The following TNRC6C variants were observed in gnomAD, a reference collection of about 807,000 sequenced individuals.
TNRC6C encodes trinucleotide repeat containing adaptor 6C.
In TNRC6C, 20 loss-of-function variants were observed where a neutral mutation model predicts 153.7. That is an observed-to-expected ratio of 0.13 (90% confidence interval 0.09 to 0.19). The LOEUF is 0.19. Among genes scored for constraint, TNRC6C ranks in the 10% least tolerant of loss-of-function variants. The pLI, the probability that TNRC6C is intolerant of heterozygous loss-of-function variation, is 1.00. For synonymous variants in TNRC6C, 811 were observed against 841.4 expected (o/e 0.96, Z 0.63); for missense variants, 1,987 against 2,172.0 (o/e 0.91, Z 1.69).
chr17:77,994,733 C>T (rs2143099245), intron 1 of TNRC6C, among the ~76,000 whole-genome samples: 1 of 151,996 alleles, frequency 6.6e-6, no homozygotes, highest in East Asian at 1.9e-4. Flanking sequence ...CACAGAAATA[C>T]CATGAAGTTT....
chr17:78,098,912 A>G (rs2073538151), intron 17 of TNRC6C, among the ~76,000 whole-genome samples: 1 of 152,142 alleles, frequency 6.6e-6, no homozygotes, highest in Non-Finnish European at 1.5e-5. Context: ...CCCTTCGCAC[A>G]GGGATCTGGA....
At chr17:77,976,944 A>AC (rs1054375622) in intron 1 of TNRC6C, among the ~76,000 whole-genome samples, 14 of 150,464 alleles carry the variant, frequency 9.3e-5, no homozygotes, top group African/African-American at 3.2e-4. Flanking sequence ...AAAAAAAAAA[A>AC]AAAAAAAAAA....
upstream of TNRC6C, among the ~76,000 whole-genome samples, chr17:78,000,335 G>C (rs1416738257): frequency 6.6e-6 from 1 of 152,150 alleles, no homozygotes; most frequent in East Asian, 1.9e-4. Flanking sequence ...GCTCAAGGCT[G>C]AGACTATTTT....
intron 2 of TNRC6C, among the ~76,000 whole-genome samples, chr17:78,040,679 C>G (rs941606791): frequency 2.0e-5 from 3 of 152,148 alleles, no homozygotes; most frequent in Admixed American, 2.0e-4. Context: ...GGCTGACTTT[C>G]AAAAACACAG....
At chr17:77,972,623 A>T (rs1242893460) in intron 1 of TNRC6C, among the ~76,000 whole-genome samples, 2 of 152,226 alleles carry the variant, frequency 1.3e-5, no homozygotes, top group African/African-American at 4.8e-5. Flanking sequence ...ATGAAAGTAC[A>T]AATTCCTAGG....
intron 3 of TNRC6C, among the ~76,000 whole-genome samples, chr17:78,052,248 C>T (rs1352587600): frequency 2.0e-5 from 3 of 152,002 alleles, no homozygotes; most frequent in East Asian, 3.9e-4. Context: ...AGCAGCAGCA[C>T]GAGTAGAGAG....
Position 78,049,206 on chromosome 17 carries a change from G to A in TNRC6C, c.144G>A (p.Ala48=), listed in dbSNP as rs764681744. ...GGGGAGCGAACAGTAATGGAAGTGC[G>A]GCCAGAGTGTGGGGTGTAGCCACAG... Residue 48 remains alanine, a synonymous_variant, in exon 3 of 20, where the codon GCG becomes GCA. Transcript: ENST00000301624. This position sits in a 1 kb window ranked among gnomAD's most constrained non-coding sequence, Gnocchi z 4.1. 2.7e-5 allele frequency: 43 copies of A among 1,613,018 alleles called. No individual in the cohort carries two copies. The highest frequency in any genetic ancestry group is 1.2e-4 in the South Asian group (11 of 90,858).
rs377307256 is a variant in TNRC6C, at chr17:78,031,523, A to T, written c.-538A>T. Reference sequence around the variant, plus strand: ...GCCTTTCATTCATTTTAGTGCCAGAACCTACTAAGACCTGTTCAAGCCAGC... The same window carrying T: ...GCCTTTCATTCATTTTAGTGCCAGATCCTACTAAGACCTGTTCAAGCCAGC... On this transcript the variant is annotated 5_prime_UTR_variant, in exon 2 of 20. Coordinates refer to ENST00000301624, the Ensembl canonical transcript of TNRC6C. 12 of 1,231,928 alleles carry T rather than the reference A, an allele frequency of 9.7e-6. No individual in the cohort carries two copies. The Admixed American group carries it at 1.3e-4, about 13-fold the overall frequency. 76.3% of individuals were successfully genotyped at this position (1,231,928 alleles called of 1,614,324 possible). A position where few individuals can be genotyped will look rare whatever the true frequency, so the allele number is the denominator to read the frequency against.
At chr17:77,993,510 A>G (rs778854779) in intron 1 of TNRC6C, among the ~76,000 whole-genome samples, 1 of 152,238 alleles carries the variant, frequency 6.6e-6, no homozygotes, top group African/African-American at 2.4e-5. Flanking sequence ...GTTAGTATAC[A>G]AAGTATGGGA....
chr17:78,082,899 G>A (rs1352129345), intron 10 of TNRC6C, 148 bp from the exon 13 acceptor site: 27 of 942,024 alleles, frequency 2.9e-5, no homozygotes, highest in Non-Finnish European at 4.0e-5. Flanking sequence ...ATAATCAGGA[G>A]CATTTCATCT....
intron 1 of TNRC6C, among the ~76,000 whole-genome samples, chr17:78,026,165 A>G (rs2071938272): frequency 6.6e-6 from 1 of 152,214 alleles, no homozygotes; most frequent in South Asian, 2.1e-4. Flanking sequence ...TATGTTTGAG[A>G]AAAACAATCA....
chr17:78,048,991 G>A (rs2072463562), exon 3 of TNRC6C: 1 of 1,411,648 alleles, frequency 7.1e-7, no homozygotes, highest in Admixed American at 3.2e-5. Context: ...CACAGGAACA[G>A]AGACTGAATC....
At chr17:77,960,873 C>T (rs907743650) in intron 1 of TNRC6C, among the ~76,000 whole-genome samples, 4 of 152,126 alleles carry the variant, frequency 2.6e-5, no homozygotes, top group Non-Finnish European at 5.9e-5. Flanking sequence ...ATGATGTGAA[C>T]AGTTGTAACT....
At chr17:78,102,399 C>A in intron 17 of TNRC6C, 75 bp from the exon 21 acceptor site, 1 of 1,371,810 alleles carries the variant, frequency 7.3e-7, no homozygotes, top group Non-Finnish European at 1.0e-6. Flanking sequence ...CACTTCAGCA[C>A]AATAAGAAGT....
At chr17:78,108,693 T>A (rs2073756389) in exon 20 of TNRC6C, 1 of 154,474 alleles carries the variant, frequency 6.5e-6, no homozygotes, top group East Asian at 1.9e-4. Context: ...AAAGACCTCG[T>A]GGGCCTGGGT....
intron 3 of TNRC6C, among the ~76,000 whole-genome samples, chr17:78,062,634 G>A (rs544916875): frequency 4.6e-5 from 7 of 152,280 alleles, no homozygotes; most frequent in South Asian, 2.1e-4. Context: ...TATGGCAGAA[G>A]CAAAAGATTA....
At chr17:77,975,380 T>G (rs533734435) in intron 1 of TNRC6C, among the ~76,000 whole-genome samples, 4 of 151,764 alleles carry the variant, frequency 2.6e-5, no homozygotes, top group African/African-American at 9.7e-5. Context: ...TCCACTGAGG[T>G]TGAGTGTTGA....
At chr17:77,987,737 G>A (rs199893355) in intron 1 of TNRC6C, among the ~76,000 whole-genome samples, 7 of 151,962 alleles carry the variant, frequency 4.6e-5, no homozygotes, top group Non-Finnish European at 1.0e-4. Flanking sequence ...GCAGTGGCGC[G>A]AGCACCATCT....
At chr17:78,039,370 C>T (rs2072248550) in intron 2 of TNRC6C, among the ~76,000 whole-genome samples, 1 of 150,860 alleles carries the variant, frequency 6.6e-6, no homozygotes, top group Non-Finnish European at 1.5e-5. Flanking sequence ...CTTGGTGTCA[C>T]CTTCTTGCCG....
Sources: allele counts gnomAD v4.1 joint callset (sites outside exome capture counted in the v4.1 genomes callset), GRCh38; gene constraint gnomAD v4.1.1; non-coding constraint Gnocchi (gnomAD v3.1); transcripts MANE v1.5; gene names NCBI Gene and HGNC (gene_info 2026-07-23, HGNC 2026-07-21).